Variants in PCSK5 observed in about 807,000 individuals in gnomAD.
PCSK5 encodes proprotein convertase subtilisin/kexin type 5.
A neutral mutation model predicts 233.2 loss-of-function variants in PCSK5; 129 were observed. That is an observed-to-expected ratio of 0.55 (90% CI 0.48 to 0.64). The LOEUF (loss-of-function observed/expected upper bound fraction) is 0.64. Ranked by LOEUF, PCSK5 falls within the 30% of genes least tolerant of loss-of-function variation. The probability of loss-of-function intolerance (pLI) is 0.00; values close to 1 mark genes in which losing one functional copy is unlikely to be tolerated. For missense variants in PCSK5, 2,076 were observed against 2,430.1 expected (o/e 0.85, Z 3.06); for synonymous variants, 825 against 879.2 (o/e 0.94, Z 1.09).
chr9:76,117,777 A>G (rs1587649513), intron 9 of PCSK5, among the ~76,000 whole-genome samples: 1 of 152,164 alleles, frequency 6.6e-6, no homozygotes, highest in Admixed American at 6.5e-5. Context: ...TGTAGTCTTC[A>G]GTGAGCACTC....
At chr9:76,165,435 A>G (rs57720378) in intron 12 of PCSK5, among the ~76,000 whole-genome samples, 26,068 of 152,200 alleles carry the variant, frequency 0.17, 2,406 homozygotes, top group Middle Eastern at 0.25. Context: ...TACATTCACT[A>G]GACTCTTTAA....
intron 3 of PCSK5, among the ~76,000 whole-genome samples, chr9:75,994,710 G>T (rs1826936913): frequency 6.6e-6 from 1 of 151,806 alleles, no homozygotes; most frequent in Non-Finnish European, 1.5e-5. Flanking sequence ...GCGTGAGCCA[G>T]TGCGCCCGGC....
At chr9:76,275,422 GTTTT>G (rs1028866705) in intron 24 of PCSK5, among the ~76,000 whole-genome samples, 1 of 151,892 alleles carries the variant, frequency 6.6e-6, no homozygotes, top group African/African-American at 2.4e-5. Context: ...TTTTTTGGGG[GTTTT>G]TTGTTTGTTT....
intron 9 of PCSK5, among the ~76,000 whole-genome samples, chr9:76,123,124 G>A (rs929495171): frequency 3.9e-5 from 6 of 152,066 alleles, no homozygotes; most frequent in East Asian, 3.9e-4. Context: ...GATTACAGAC[G>A]TGAGCCACTG....
intron 24 of PCSK5, among the ~76,000 whole-genome samples, chr9:76,243,582 C>G (rs780344108): frequency 6.6e-6 from 1 of 152,166 alleles, no homozygotes; most frequent in African/African-American, 2.4e-5. Context: ...TTGTTGATCT[C>G]TCCAATAGAA....
At chr9:76,356,275 G>T (rs751603032) in intron 37 of PCSK5, among the ~76,000 whole-genome samples, 2 of 152,126 alleles carry the variant, frequency 1.3e-5, no homozygotes. Context: ...AGCTTTCCTG[G>T]TCCCCCTGCA....
chr9:76,358,177 T>C (rs1389478979), intron 37 of PCSK5, among the ~76,000 whole-genome samples: 1 of 152,062 alleles, frequency 6.6e-6, no homozygotes, highest in Non-Finnish European at 1.5e-5. Flanking sequence ...ACGGGGTACA[T>C]ACTCCAATTT....
chr9:75,936,314 CTG>C (rs1348761732), intron 2 of PCSK5, among the ~76,000 whole-genome samples: 15 of 152,294 alleles, frequency 9.8e-5, no homozygotes, highest in African/African-American at 3.1e-4. Context: ...TCAGTTGACT[CTG>C]TGTTTGCCAA....
At chr9:76,026,403 C>T (rs969469534) in intron 4 of PCSK5, among the ~76,000 whole-genome samples, 4 of 151,990 alleles carry the variant, frequency 2.6e-5, no homozygotes, top group African/African-American at 4.8e-5. Flanking sequence ...TGGAACCAGA[C>T]GAGGGTTGTC....
At chr9:76,173,495 CCTTTTTTTTTTTTTT>C (rs1378496583) in intron 13 of PCSK5, among the ~76,000 whole-genome samples, 4 of 34,580 alleles carry the variant, frequency 1.2e-4, no homozygotes, top group South Asian at 8.1e-4. Flanking sequence ...AGGCACGTTT[CCTTTTTTTTTTTTTT>C]TTTTTTTTTT....
At chr9:75,912,842 C>A (rs1332691293) in intron 1 of PCSK5, among the ~76,000 whole-genome samples, 1 of 152,126 alleles carries the variant, frequency 6.6e-6, no homozygotes, top group Non-Finnish European at 1.5e-5. Flanking sequence ...AGCTATTTTC[C>A]TCTGCTCTTT....
At chr9:76,048,835 G>T (rs28548635) in intron 5 of PCSK5, among the ~76,000 whole-genome samples, 15,002 of 152,184 alleles carry the variant, frequency 0.099, 2,348 homozygotes, top group African/African-American at 0.33. Context: ...ATTATTTCAG[G>T]AGATATGAAT....
intron 5 of PCSK5, among the ~76,000 whole-genome samples, chr9:76,027,834 G>A (rs951184548): frequency 1.3e-5 from 2 of 152,080 alleles, no homozygotes; most frequent in Non-Finnish European, 2.9e-5. Flanking sequence ...CTGTAATTTA[G>A]ATACTTTCAT....
intron 5 of PCSK5, among the ~76,000 whole-genome samples, chr9:76,032,013 G>C (rs1340761625): frequency 6.6e-6 from 1 of 152,138 alleles, no homozygotes; most frequent in Non-Finnish European, 1.5e-5. Context: ...CTTCCTTGGG[G>C]CTGGGAGCTG....
chr9:76,319,263 G>T (rs960909919), intron 30 of PCSK5, among the ~76,000 whole-genome samples: 1 of 152,114 alleles, frequency 6.6e-6, no homozygotes, highest in African/African-American at 2.4e-5. Flanking sequence ...AAGAGATCAA[G>T]ACCATTGTGG....
Position 76,041,844 on chromosome 9 carries a change from A to G in PCSK5, c.632+14807A>G, listed in dbSNP as rs11144727. Among the ~76,000 whole-genome samples, 233 of 48,284 alleles carry G rather than the reference A, an allele frequency of 4.8e-3. 1 individual carries two copies. The highest frequency in any genetic ancestry group is 0.036 in the East Asian group (72 of 1,990). The allele number at this position is 48,284 out of a possible 152,430, so 31.7% of individuals were successfully genotyped here. ...ACAGAGCAAGACTCTGTCTCAAGGG[A>G]AAAAAAAAAAAAAAAGATTTTATAA... On this transcript the variant is annotated intron_variant, in intron 5 of 37. Transcript: ENST00000674117.
At chr9:76,075,610 A>G (rs1587593670) in intron 7 of PCSK5, among the ~76,000 whole-genome samples, 1 of 152,194 alleles carries the variant, frequency 6.6e-6, no homozygotes, top group Non-Finnish European at 1.5e-5. Context: ...TGTCAAAGAT[A>G]AAGAAAATAA....
chr9:76,256,039 AG>A (rs1826971908), intron 24 of PCSK5, among the ~76,000 whole-genome samples: 1 of 152,186 alleles, frequency 6.6e-6, no homozygotes, highest in Non-Finnish European at 1.5e-5. Flanking sequence ...ATTTTCCTAA[AG>A]AACATAAATG....
chr9:76,018,795 T>C (rs1221082802), intron 3 of PCSK5, among the ~76,000 whole-genome samples: 1 of 152,202 alleles, frequency 6.6e-6, no homozygotes, highest in Non-Finnish European at 1.5e-5. Context: ...GTCTCTAAGG[T>C]CTTAAACAAC....
Sources: allele counts gnomAD v4.1 joint callset (sites outside exome capture counted in the v4.1 genomes callset), GRCh38; gene constraint gnomAD v4.1.1; transcripts MANE v1.5; gene names NCBI Gene and HGNC (gene_info 2026-07-23, HGNC 2026-07-21).